Variants in FGF14 observed in about 807,000 individuals in gnomAD.
FGF14 encodes the protein fibroblast growth factor 14, also known as fibroblast growth factor homologous factor 4.
Under a neutral mutation model 25.5 loss-of-function variants are expected in FGF14, and 5 were observed. That is an observed-to-expected ratio of 0.20 (90% CI 0.10 to 0.41). The LOEUF is 0.41. Among genes scored for constraint, FGF14 ranks in the 10% least tolerant of loss-of-function variants. FGF14 has a pLI of 1.00. For missense variants in FGF14, 222 were observed against 320.1 expected, an observed-to-expected ratio of 0.69 and a Z score of 2.34; for synonymous variants, 138 against 118.3, an observed-to-expected ratio of 1.17 and a Z score of -1.08.
intron 3 of FGF14, among the ~76,000 whole-genome samples, chr13:101,749,457 T>C (rs2037127567): frequency 6.6e-6 from 1 of 152,096 alleles, no homozygotes; most frequent in Non-Finnish European, 1.5e-5. Flanking sequence ...TGTAACACTC[T>C]TAAAATGACA....
At chr13:102,166,325 T>A (rs61965266) in intron 1 of FGF14, among the ~76,000 whole-genome samples, 10,003 of 152,196 alleles carry the variant, frequency 0.066, 419 homozygotes, top group Non-Finnish European at 0.097. Flanking sequence ...CGTAAAGTAA[T>A]CTATTAAATA....
intron 3 of FGF14, among the ~76,000 whole-genome samples, chr13:101,797,150 G>C (rs903521495): frequency 1.3e-4 from 20 of 152,126 alleles, no homozygotes; most frequent in Non-Finnish European, 2.2e-4. Context: ...CACAGTTGTT[G>C]TTTCTTTGTA....
chr13:101,976,817 A>G (rs2037955842), intron 1 of FGF14, among the ~76,000 whole-genome samples: 1 of 152,210 alleles, frequency 6.6e-6, no homozygotes, highest in African/African-American at 2.4e-5. Flanking sequence ...TGAAAGCTGT[A>G]AACTACCCCA....
chr13:101,998,562 G>A (rs1168961827), intron 1 of FGF14, among the ~76,000 whole-genome samples: 2 of 152,184 alleles, frequency 1.3e-5, no homozygotes, highest in African/African-American at 4.8e-5. Context: ...AAAGATTGTT[G>A]TTTATTAGTT....
rs867015501 is a variant in FGF14 at position 102,065,950 on chromosome 13, A to C, written c.209-190654T>G. On this transcript the variant is annotated intron_variant, in intron 1 of 4. Transcript: ENST00000376131. Reference sequence around the variant, plus strand: ...TATGGATATATATTCTAGTAAAAGCATATTTAGACAGTTCAGTTTTCAACA... The same window carrying C: ...TATGGATATATATTCTAGTAAAAGCCTATTTAGACAGTTCAGTTTTCAACA... 2.6e-5 allele frequency among the ~76,000 whole-genome samples: 4 copies of C among 152,098 alleles called. No individual in the cohort carries two copies. In the South Asian group the frequency reaches 8.3e-4, roughly 31 times the overall value.
chr13:102,142,058 C>G (rs935721351), intron 1 of FGF14, among the ~76,000 whole-genome samples: 1 of 152,042 alleles, frequency 6.6e-6, no homozygotes, highest in Non-Finnish European at 1.5e-5. Flanking sequence ...ATTTTAGACA[C>G]AAATAATAAA....
At chr13:102,254,056 G>T (rs1440966592) in intron 1 of FGF14, among the ~76,000 whole-genome samples, 1 of 152,162 alleles carries the variant, frequency 6.6e-6, no homozygotes, top group Non-Finnish European at 1.5e-5. Flanking sequence ...CACCACCCAA[G>T]GGTAGTAAGG....
chr13:102,034,763 T>C (rs1317889208), intron 1 of FGF14, among the ~76,000 whole-genome samples: 1 of 152,130 alleles, frequency 6.6e-6, no homozygotes, highest in Non-Finnish European at 1.5e-5. Flanking sequence ...TTGGTGGCAT[T>C]AGATGATGGC....
chr13:102,059,637 G>C (rs937372673), intron 1 of FGF14, among the ~76,000 whole-genome samples: 1 of 152,052 alleles, frequency 6.6e-6, no homozygotes, highest in Non-Finnish European at 1.5e-5. Flanking sequence ...GATCACGTGA[G>C]GTCAGAAGTT....
intron 1 of FGF14, among the ~76,000 whole-genome samples, chr13:102,306,933 C>G (rs114950226): frequency 0.012 from 1,897 of 152,184 alleles, 37 homozygotes; most frequent in African/African-American, 0.042. Context: ...AAAGAGGGTG[C>G]TGCAGAAGTG....
At chr13:101,831,913 G>A (rs898841496) in intron 3 of FGF14, among the ~76,000 whole-genome samples, 4 of 152,082 alleles carry the variant, frequency 2.6e-5, no homozygotes, top group Admixed American at 6.6e-5. Context: ...TATTGGGCGT[G>A]ATAGTGTGTG....
At position 102,302,229 on chromosome 13, in the gene FGF14, T is replaced by C. The variant is rs550277366; in HGVS notation, c.208+99242A>G. Among the ~76,000 whole-genome samples, 7 of 152,294 alleles carry C rather than the reference T, an allele frequency of 4.6e-5. No homozygotes were observed. In the South Asian group the frequency reaches 1.0e-3, roughly 23 times the overall value. ...TTGAATGGAGTGCCAGTTAACCATG[T>C]TGGAGATATATTAGTGGTTAATCCT... is the stretch of plus-strand genomic sequence containing the variant. On this transcript the variant is annotated intron_variant, in intron 1 of 4. Coordinates refer to the FGF14 transcript ENST00000376131.
At chr13:101,922,465 CCACTT>C (rs1026983175) in intron 1 of FGF14, among the ~76,000 whole-genome samples, 4 of 152,140 alleles carry the variant, frequency 2.6e-5, no homozygotes, top group African/African-American at 9.7e-5. Flanking sequence ...TTGTGATTCA[CCACTT>C]CTCCACACTT....
chr13:102,337,000 T>C (rs1377216327), intron 1 of FGF14, among the ~76,000 whole-genome samples: 3 of 152,244 alleles, frequency 2.0e-5, no homozygotes, highest in Admixed American at 2.0e-4. Flanking sequence ...ATGGAGATTG[T>C]ACAGGAGATT....
intron 1 of FGF14, among the ~76,000 whole-genome samples, chr13:102,079,642 G>C (rs1236655074): frequency 6.6e-6 from 1 of 152,090 alleles, no homozygotes; most frequent in Non-Finnish European, 1.5e-5. Context: ...CTGGGGCACA[G>C]CAGTGAACAA....
rs187580068 is a variant in FGF14, at chr13:102,340,135, C to T, written c.208+61336G>A. Among the ~76,000 whole-genome samples the T allele has an allele frequency of 2.2e-4, 33 of 152,282 alleles. No individual in the cohort carries two copies. In the East Asian group the frequency reaches 3.5e-3, roughly 16 times the overall value. On this transcript the variant is annotated intron_variant, in intron 1 of 4. Transcript: ENST00000376131. ...CAGATTCCTACTAGACTAATGGAAA[C>T]GCAACCAAATTCAGCTCATTTACAA...
intron 1 of FGF14, among the ~76,000 whole-genome samples, chr13:102,183,781 T>C (rs2048769427): frequency 6.6e-6 from 1 of 152,154 alleles, no homozygotes; most frequent in African/African-American, 2.4e-5. Context: ...CAGACCTAGA[T>C]TCAAGCCCTC....
chr13:101,788,872 CTATATATATATATATATATATATATATA>C (rs56084859), intron 3 of FGF14, among the ~76,000 whole-genome samples: 1 of 26,406 alleles, frequency 3.8e-5, no homozygotes, highest in Non-Finnish European at 7.8e-5. Flanking sequence ...CCTTTTTTGA[CTATATATATATATATATATATATATATA>C]TATATATATA....
intron 3 of FGF14, among the ~76,000 whole-genome samples, chr13:101,770,521 C>T (rs2139966817): frequency 6.6e-6 from 1 of 152,186 alleles, no homozygotes; most frequent in African/African-American, 2.4e-5. Flanking sequence ...GTCCTATTAT[C>T]TCAGCTCAGG....
Sources: gnomAD v4.1 joint callset for allele counts (sites outside exome capture counted in the v4.1 genomes callset) on GRCh38, gnomAD v4.1.1 for gene constraint, MANE v1.5 for transcripts, NCBI Gene and HGNC (gene_info 2026-07-23, HGNC 2026-07-21) for gene names.